KDM6A: variants seen among roughly 807,000 people sequenced by gnomAD.
KDM6A encodes the protein lysine-specific demethylase 6A.
A neutral mutation model predicts 117.6 loss-of-function variants in KDM6A; 11 were observed. The observed-to-expected ratio is 0.09, with a 90% confidence interval of 0.06 to 0.15. The LOEUF (loss-of-function observed/expected upper bound fraction) is 0.15, where lower values mean the gene tolerates loss of function less well. Among genes scored for constraint, KDM6A ranks in the 10% least tolerant of loss-of-function variants. KDM6A has a pLI of 1.00. For synonymous variants in KDM6A, 384 were observed against 396.1 expected, an observed-to-expected ratio of 0.97 and a Z score of 0.36; for missense variants, 799 against 1,077.3, an observed-to-expected ratio of 0.74 and a Z score of 3.62.
intron 2 of KDM6A, among the ~76,000 whole-genome samples, chrX:44,908,434 T>G (rs1343571662): frequency 9.0e-6 from 1 of 111,629 alleles, no homozygotes; most frequent in Non-Finnish European, 1.9e-5. Context: ...AGAGAGAGAC[T>G]GAAGGATGGC....
chrX:44,997,491 T>G (rs1235943768), intron 4 of KDM6A, among the ~76,000 whole-genome samples: 1 of 111,776 alleles, frequency 8.9e-6, no homozygotes, highest in Admixed American at 9.5e-5. Context: ...GATGTGTTCC[T>G]CTCGCCATCT....
intron 21 of KDM6A, among the ~76,000 whole-genome samples, chrX:45,080,431 A>T (rs2045347159): frequency 8.9e-6 from 1 of 112,219 alleles, no homozygotes; most frequent in Non-Finnish European, 1.9e-5. Context: ...TACAAAGTGA[A>T]CATAATACAT....
chrX:44,979,355 TCTCC>T (rs1443823235), intron 4 of KDM6A, among the ~76,000 whole-genome samples: 4 of 109,325 alleles, frequency 3.7e-5, no homozygotes, highest in Admixed American at 2.0e-4. Flanking sequence ...CCCTTCCTCC[TCTCC>T]CTCCCTCCCT....
Position 44,873,549 on chromosome X carries a change from T to G in KDM6A, c.-3T>G. ...GTTGGAGTTGTGAATTCGCTGCGTT[T>G]CCATGAAATCCTGCGGAGTGTCGCT... On this transcript the variant is annotated 5_prime_UTR_variant, in exon 1 of 30. Transcript: ENST00000611820. The G allele has an allele frequency of 8.3e-7, 1 of 1,206,265 alleles. No homozygotes were observed. Among genetic ancestry groups the G allele is most frequent in the Non-Finnish European group, 1.1e-6 (1 of 894,027 alleles).
Position 45,078,435 on chromosome X carries a change from A to G in KDM6A, c.3024A>G (p.Leu1008=), listed in dbSNP as rs375929685. The G allele has an allele frequency of 2.5e-6, 3 of 1,208,233 alleles. No individual in the cohort carries two copies. The highest frequency in any genetic ancestry group is 3.4e-6 in the Non-Finnish European group (3 of 894,533). The change falls in exon 20 of 30, where the codon TTA becomes TTG. Residue 1008 remains leucine, a synonymous_variant. Transcript: ENST00000611820. ...ENKRDAFFPP[L]HQFCTNPNNP... The stretch of plus-strand genomic sequence containing the variant: ...AACGTGATGCTTTCTTTCCTCCATT[A>G]CATCAATTTTGTACAAATCCGAACA...
In KDM6A at chrX:45,076,503, G is replaced by GAT. The variant is rs776534580; in HGVS notation, c.2859-188_2859-187dup. ...TATCTTTTATTTTCCTTCAGTGGAG[G>GAT]ATATATAGGAATCAAGTCTTTGCTG... On this transcript the variant is annotated intron_variant, in intron 18 of 29. Transcript: ENST00000611820. 3.6e-5 allele frequency among the ~76,000 whole-genome samples: 4 copies of GAT among 110,826 alleles called. No homozygotes were observed. In the South Asian group the frequency reaches 1.5e-3, roughly 42 times the overall value.
At chrX:44,930,150 A>AT (rs969027594) in intron 2 of KDM6A, among the ~76,000 whole-genome samples, 3 of 109,928 alleles carry the variant, frequency 2.7e-5, no homozygotes, top group Non-Finnish European at 3.8e-5. Flanking sequence ...TATAAAAATT[A>AT]TTTTTTTTCC....
intron 2 of KDM6A, among the ~76,000 whole-genome samples, chrX:44,931,270 A>G (rs2036610232): frequency 9.0e-6 from 1 of 110,694 alleles, no homozygotes; most frequent in Admixed American, 9.7e-5. Context: ...GGGTTTCACC[A>G]TGTTGGCCAG....
At chrX:44,950,091 A>C (rs1392615646) in intron 2 of KDM6A, among the ~76,000 whole-genome samples, 1 of 108,450 alleles carries the variant, frequency 9.2e-6, no homozygotes, top group Admixed American at 1.0e-4. Flanking sequence ...ATCTCTGCTC[A>C]CTGCAAGCTC....
chrX:44,946,013 A>G (rs774430877), intron 2 of KDM6A, among the ~76,000 whole-genome samples: 1 of 112,087 alleles, frequency 8.9e-6, no homozygotes, highest in East Asian at 2.8e-4. Flanking sequence ...TAATGCAACT[A>G]TTTGTCCTTT....
intron 2 of KDM6A, among the ~76,000 whole-genome samples, chrX:44,891,432 T>C (rs2033353005): frequency 9.0e-6 from 1 of 111,607 alleles, no homozygotes; most frequent in Admixed American, 9.6e-5. Flanking sequence ...AAAAAATAGT[T>C]GCGTATATAT....
chrX:45,029,811 G>A (rs2042533413), intron 6 of KDM6A, among the ~76,000 whole-genome samples: 1 of 110,683 alleles, frequency 9.0e-6, no homozygotes, highest in Non-Finnish European at 1.9e-5. Context: ...GTGTACATAG[G>A]TTAGATGCAA....
chrX:45,046,370 C>T (rs984859205), intron 8 of KDM6A, among the ~76,000 whole-genome samples: 1 of 111,740 alleles, frequency 8.9e-6, no homozygotes, highest in African/African-American at 3.3e-5. Context: ...GAGACCTTTT[C>T]ACTAGAATCA....
chrX:44,917,250 C>T (rs1435992926), intron 2 of KDM6A, among the ~76,000 whole-genome samples: 1 of 110,723 alleles, frequency 9.0e-6, no homozygotes, highest in East Asian at 2.8e-4. Context: ...TGGTCTCGAA[C>T]TCTTGACCTC....
intron 2 of KDM6A, among the ~76,000 whole-genome samples, chrX:44,910,268 C>A (rs1195173941): frequency 9.0e-6 from 1 of 111,593 alleles, no homozygotes; most frequent in African/African-American, 3.3e-5. Flanking sequence ...TTCACTGCAA[C>A]CTGCGCCTCC....
intron 2 of KDM6A, among the ~76,000 whole-genome samples, chrX:44,881,747 T>C (rs1178671728): frequency 9.3e-6 from 1 of 107,901 alleles, no homozygotes; most frequent in Non-Finnish European, 1.9e-5. Context: ...CAGTGCAATG[T>C]CGCAATCTCG....
chrX:44,943,240 G>T (rs2037439505), intron 2 of KDM6A, among the ~76,000 whole-genome samples: 1 of 111,025 alleles, frequency 9.0e-6, no homozygotes, highest in Admixed American at 9.6e-5. Context: ...AATTTTTTTG[G>T]TCTCCTGGTC....
In KDM6A at chrX:45,076,172, G is replaced by A. The variant is rs138622356; in HGVS notation, c.2859-525G>A. Among the ~76,000 whole-genome samples the A allele has an allele frequency of 5.1e-4, 57 of 111,344 alleles. No homozygotes were observed. The East Asian group carries it at 0.015, about 30-fold the overall frequency. On this transcript the variant is annotated intron_variant, in intron 18 of 29. Coordinates refer to ENST00000611820, the MANE Select transcript of KDM6A (RefSeq NM_001291415.2). The stretch of plus-strand genomic sequence containing the variant: ...TGTTTAAAAAGAAGTAGCATAATTT[G>A]CTGTATAGTCAAGGAGTTGCATAGG...
At chrX:45,006,719 G>A (rs2041511195) in intron 4 of KDM6A, among the ~76,000 whole-genome samples, 1 of 111,317 alleles carries the variant, frequency 9.0e-6, no homozygotes, top group Non-Finnish European at 1.9e-5. Context: ...AAGTTTAAAA[G>A]TAGAAGGTAA....
Sources: gnomAD v4.1 joint callset for allele counts (sites outside exome capture counted in the v4.1 genomes callset) on GRCh38, gnomAD v4.1.1 for gene constraint, MANE v1.5 for transcripts, NCBI Gene and HGNC (gene_info 2026-07-23, HGNC 2026-07-21) for gene names.